The following KYNU variants were observed in gnomAD, a reference collection of about 807,000 sequenced individuals.
The protein encoded by KYNU is kynureninase.
KYNU carries 54 observed loss-of-function variants against 59.2 expected under a neutral mutation model. The observed-to-expected ratio is 0.91, with a 90% CI of 0.73 to 1.14. The LOEUF is 1.14. Ranked by LOEUF, KYNU falls within the 50% of genes most tolerant of loss-of-function variation. KYNU has a pLI of 0.00. For synonymous variants in KYNU, 177 were observed against 192.0 expected (o/e 0.92, Z 0.65); for missense variants, 567 against 554.4 (o/e 1.02, Z -0.23).
chr2:142,947,006 T>C (rs1246944702), intron 4 of KYNU: 33 of 1,527,056 alleles, frequency 2.2e-5, no homozygotes, highest in Non-Finnish European at 2.8e-5. Context: ...AGTTTATTAG[T>C]AATTTCATGG....
chr2:142,899,476 C>G (rs1359632406), intron 2 of KYNU, among the ~76,000 whole-genome samples: 2 of 152,156 alleles, frequency 1.3e-5, no homozygotes, highest in Admixed American at 6.5e-5. Flanking sequence ...GAAAATCCAG[C>G]TAGTCCTGTC....
intron 2 of KYNU, among the ~76,000 whole-genome samples, chr2:142,900,246 C>T (rs1465500540): frequency 6.6e-6 from 1 of 152,186 alleles, no homozygotes; most frequent in Non-Finnish European, 1.5e-5. Flanking sequence ...GAACACACTG[C>T]TGGATCCAGA....
At chr2:142,947,399 G>A (rs189643722) in intron 4 of KYNU, 18 of 641,682 alleles carry the variant, frequency 2.8e-5, no homozygotes, top group Admixed American at 6.1e-5. Context: ...TGAAGACATC[G>A]GAATAAAAGC....
At chr2:142,920,379 A>C (rs1031518709) in intron 3 of KYNU, among the ~76,000 whole-genome samples, 1 of 152,216 alleles carries the variant, frequency 6.6e-6, no homozygotes, top group African/African-American at 2.4e-5. Context: ...AATTAGATTG[A>C]ATGAATTTGA....
intron 12 of KYNU, among the ~76,000 whole-genome samples, chr2:143,037,393 T>A (rs1431410546): frequency 6.6e-6 from 1 of 152,212 alleles, no homozygotes; most frequent in East Asian, 1.9e-4. Context: ...AGGTAGACAA[T>A]ATTTAGTCCC....
chr2:143,053,916 G>A lies in KYNU; in HGVS notation c.*11744G>A, dbSNP rs1408331918. On this transcript the variant is annotated 3_prime_UTR_variant, in exon 14 of 14. Coordinates refer to ENST00000264170, the MANE Select transcript of KYNU (RefSeq NM_003937.3). ...GTGGAACTGAGCCCTTAACCTGTGG[G>A]GTTGAATGATATCTCCAGGTATATC... 1 of 152,144 alleles carries A rather than the reference G, an allele frequency of 6.6e-6. No individual in the cohort carries two copies. Among genetic ancestry groups the A allele is most frequent in the Non-Finnish European group, 1.5e-5 (1 of 68,032 alleles). The allele number at this position is 152,144 out of a possible 1,614,324, so 9.4% of individuals were successfully genotyped here. A position where few individuals can be genotyped will look rare whatever the true frequency, so the allele number is the denominator to read the frequency against.
At chr2:142,933,756 A>G (rs1233221376) in intron 4 of KYNU, among the ~76,000 whole-genome samples, 1 of 152,072 alleles carries the variant, frequency 6.6e-6, no homozygotes, top group African/African-American at 2.4e-5. Context: ...AGGAGAGTGG[A>G]TGGTTTTAGG....
At position 142,913,965 on chromosome 2, in the gene KYNU, T is replaced by C. The variant is rs546195960; in HGVS notation, c.170-4644T>C. Among the ~76,000 whole-genome samples, 10 of 152,376 alleles carry C rather than the reference T, an allele frequency of 6.6e-5. No homozygotes were observed. The South Asian group carries it at 2.1e-3, about 32-fold the overall frequency. ...TGTATTGCCCTTCTTTGACCTGTTT[T>C]ATTGCTATTGGCTTAGGCAGTCTGG... On this transcript the variant is annotated intron_variant, in intron 2 of 13. Coordinates refer to ENST00000264170, the MANE Select transcript of KYNU (RefSeq NM_003937.3).
At chr2:143,027,784 G>A (rs1232949982) in intron 10 of KYNU, among the ~76,000 whole-genome samples, 1 of 151,572 alleles carries the variant, frequency 6.6e-6, no homozygotes, top group East Asian at 1.9e-4. Context: ...TTTCATTTTT[G>A]CATTTTGGAA....
At chr2:142,895,754 A>T (rs1681850518) in intron 2 of KYNU, among the ~76,000 whole-genome samples, 1 of 152,038 alleles carries the variant, frequency 6.6e-6, no homozygotes, top group African/African-American at 2.4e-5. Flanking sequence ...GCATAATCAC[A>T]GCTCACTGCA....
At chr2:143,004,725 C>G (rs546546569) in intron 10 of KYNU, among the ~76,000 whole-genome samples, 3 of 152,066 alleles carry the variant, frequency 2.0e-5, no homozygotes, top group Non-Finnish European at 4.4e-5. Context: ...AGGCAATATT[C>G]ATTTTTCCTC....
chr2:142,887,946 G>A (rs375423452), intron 2 of KYNU, among the ~76,000 whole-genome samples: 6 of 152,196 alleles, frequency 3.9e-5, no homozygotes, highest in South Asian at 2.1e-4. Flanking sequence ...AAATAAAAAC[G>A]TTTTCCCCTT....
At chr2:142,913,405 T>C (rs1327863824) in intron 2 of KYNU, among the ~76,000 whole-genome samples, 1 of 152,204 alleles carries the variant, frequency 6.6e-6, no homozygotes, top group Admixed American at 6.5e-5. Context: ...TCTGTTTTCA[T>C]TTATTTCAAA....
At position 142,915,711 on chromosome 2, in the gene KYNU, T is replaced by G. The variant is rs185311834; in HGVS notation, c.170-2898T>G. On this transcript the variant is annotated intron_variant, in intron 2 of 13. Coordinates refer to ENST00000264170, the MANE Select transcript of KYNU (RefSeq NM_003937.3). ...AAGAATGGCTCTAACACTGTTGACT[T>G]AAGGACTAACTGGAGCAAGCCCTGC... is the stretch of plus-strand genomic sequence containing the variant. 1.2e-3 allele frequency among the ~76,000 whole-genome samples: 182 copies of G among 152,302 alleles called. 1 individual carries two copies. The highest frequency in any genetic ancestry group is 4.7e-3 in the Admixed American group (72 of 15,296).
intron 8 of KYNU, among the ~76,000 whole-genome samples, chr2:142,971,864 A>G (rs543679585): frequency 3.3e-4 from 51 of 152,298 alleles, no homozygotes; most frequent in Non-Finnish European, 6.8e-4. Flanking sequence ...AAAAATCAAG[A>G]TGCTTTTTGT....
chr2:142,923,881 T>C (rs1290677968), intron 3 of KYNU, among the ~76,000 whole-genome samples: 1 of 152,178 alleles, frequency 6.6e-6, no homozygotes, highest in Non-Finnish European at 1.5e-5. Flanking sequence ...ATATCAGGAA[T>C]AAACCACAGA....
intron 13 of KYNU, 62 bp downstream of exon 13, chr2:143,040,720 T>A: frequency 9.6e-7 from 1 of 1,037,238 alleles, no homozygotes. Flanking sequence ...GGATAAAATT[T>A]GGACTCTTTG....
intron 10 of KYNU, among the ~76,000 whole-genome samples, chr2:143,026,865 C>T (rs556981459): frequency 6.6e-6 from 1 of 152,196 alleles, no homozygotes; most frequent in Non-Finnish European, 1.5e-5. Context: ...AGACTCTTCT[C>T]GAAGTTACGA....
At position 143,044,786 on chromosome 2, in the gene KYNU, T is replaced by C. The variant is rs1244243487; in HGVS notation, c.*2614T>C. ...TTCTCCCGTTCTGTAGGTTGCCCGA[T>C]CACTCTGATGATAGTTTCTTTTGCT... On this transcript the variant is annotated 3_prime_UTR_variant, in exon 14 of 14. Coordinates refer to ENST00000264170, the MANE Select transcript of KYNU (RefSeq NM_003937.3). The C allele has an allele frequency of 1.3e-5, 2 of 152,200 alleles. No individual in the cohort carries two copies. Among genetic ancestry groups the C allele is most frequent in the Non-Finnish European group, 1.5e-5 (1 of 68,036 alleles). 9.4% of individuals were successfully genotyped at this position (152,200 alleles called of 1,614,324 possible). A position where few individuals can be genotyped will look rare whatever the true frequency, so the allele number is the denominator to read the frequency against.
Sources: gnomAD v4.1 joint callset for allele counts (sites outside exome capture counted in the v4.1 genomes callset) on GRCh38, gnomAD v4.1.1 for gene constraint, MANE v1.5 for transcripts, NCBI Gene and HGNC (gene_info 2026-07-23, HGNC 2026-07-21) for gene names.